PCBD2: variants seen among roughly 807,000 people sequenced by gnomAD.
PCBD2 encodes the protein pterin-4-alpha-carbinolamine dehydratase 2.
Under a neutral mutation model 16.4 loss-of-function variants are expected in PCBD2, and 12 were observed. That is an observed-to-expected ratio of 0.73 (90% CI 0.47 to 1.19). The LOEUF is 1.19. Among genes scored for constraint, PCBD2 ranks in the 50% most tolerant of loss-of-function variants. PCBD2 has a pLI of 0.00. For synonymous variants in PCBD2, 58 were observed against 61.8 expected, an observed-to-expected ratio of 0.94 and a Z score of 0.29; for missense variants, 138 against 156.8, an observed-to-expected ratio of 0.88 and a Z score of 0.64.
intron 2 of PCBD2, among the ~76,000 whole-genome samples, chr5:134,954,059 C>T (rs1042591952): frequency 7.9e-5 from 12 of 152,132 alleles, no homozygotes; most frequent in South Asian, 2.1e-4. Flanking sequence ...CTGGGCTCGA[C>T]GGATCCCCCA....
intron 1 of PCBD2, among the ~76,000 whole-genome samples, chr5:134,905,968 G>A (rs1242879866): frequency 6.6e-6 from 1 of 152,040 alleles, no homozygotes; most frequent in Admixed American, 6.6e-5. Context: ...CATCTCCTGG[G>A]TTCACGCTAT....
At chr5:134,905,337 C>T (rs551565484) in intron 1 of PCBD2, 114 bp downstream of exon 1, 4 of 968,926 alleles carry the variant, frequency 4.1e-6, no homozygotes, top group Admixed American at 8.9e-5. Context: ...TGGGCCGAGC[C>T]TTGGAGCTCG....
At chr5:134,939,954 G>A (rs1751206114) in intron 2 of PCBD2, among the ~76,000 whole-genome samples, 1 of 151,266 alleles carries the variant, frequency 6.6e-6, no homozygotes, top group Non-Finnish European at 1.5e-5. Flanking sequence ...TAAATCACCA[G>A]GAACATGGCA....
At chr5:134,914,727 A>G (rs571589944) in intron 2 of PCBD2, among the ~76,000 whole-genome samples, 1 of 151,806 alleles carries the variant, frequency 6.6e-6, no homozygotes, top group South Asian at 2.1e-4. Flanking sequence ...TCTGGAGTAC[A>G]ATGGTGCGAT....
chr5:134,907,893 A>G (rs2149529361), intron 1 of PCBD2, among the ~76,000 whole-genome samples: 1 of 147,848 alleles, frequency 6.8e-6, no homozygotes, highest in East Asian at 2.0e-4. Context: ...AAGTGCTGGG[A>G]TTACAGGTGT....
At chr5:134,907,174 GAC>G (rs1750702884) in intron 1 of PCBD2, among the ~76,000 whole-genome samples, 1 of 152,242 alleles carries the variant, frequency 6.6e-6, no homozygotes, top group Non-Finnish European at 1.5e-5. Flanking sequence ...ACTCAGTGTG[GAC>G]ACACATAATT....
intron 2 of PCBD2, among the ~76,000 whole-genome samples, chr5:134,918,377 T>C (rs1468522166): frequency 6.6e-6 from 1 of 152,070 alleles, no homozygotes; most frequent in East Asian, 1.9e-4. Context: ...TGGTAGAAGG[T>C]GCCTGTAATA....
chr5:134,914,652 G>T (rs1201033219), intron 2 of PCBD2, among the ~76,000 whole-genome samples: 2 of 151,962 alleles, frequency 1.3e-5, no homozygotes, highest in Non-Finnish European at 2.9e-5. Context: ...GTGATGAGCT[G>T]AGAGTGTCAT....
chr5:134,925,538 T>C, intron 2 of PCBD2: 1 of 398,404 alleles, frequency 2.5e-6, no homozygotes, highest in South Asian at 1.3e-4. Flanking sequence ...CCTAGTTGGC[T>C]TGAAGTGGAG....
At chr5:134,942,120 G>A (rs1271865007) in intron 2 of PCBD2, among the ~76,000 whole-genome samples, 1 of 132,110 alleles carries the variant, frequency 7.6e-6, no homozygotes, top group African/African-American at 3.0e-5. Flanking sequence ...AATAGAGCAA[G>A]GCTCTGTCTC....
In PCBD2 at chr5:134,949,910, G is replaced by A. The variant is rs115162543; in HGVS notation, c.217-9130G>A. On this transcript the variant is annotated intron_variant, in intron 2 of 3. Coordinates refer to ENST00000254908, the MANE Select transcript of PCBD2 (RefSeq NM_032151.5). ...ATTATTTTTAATTAAAGTTGAAGAA[G>A]TGCAGACTCTAGCTGAAATTAAGGT... Among the ~76,000 whole-genome samples, 1,114 of 152,314 alleles carry A rather than the reference G, an allele frequency of 7.3e-3. 10 individuals are homozygous for A. Among genetic ancestry groups the A allele is most frequent in the African/African-American group, 0.026 (1,070 of 41,560 alleles).
At chr5:134,930,269 C>T (rs771305188) in intron 2 of PCBD2, among the ~76,000 whole-genome samples, 3 of 151,970 alleles carry the variant, frequency 2.0e-5, no homozygotes, top group Non-Finnish European at 2.9e-5. Context: ...TAGTACCTAG[C>T]CCAGGGTTAC....
Position 134,959,064 on chromosome 5 carries a change from G to T in PCBD2, c.241G>T (p.Ala81Ser), listed in dbSNP as rs775362117. The T allele has an allele frequency of 6.2e-7, 1 of 1,613,760 alleles. No homozygotes were observed. The highest frequency in any genetic ancestry group is 1.3e-5 in the African/African-American group (1 of 74,902). The change falls in exon 3 of 4, where the codon GCC (alanine) becomes TCC (serine). Residue 81 changes from alanine to serine, a missense_variant. Physicochemically the swap from Ala to Ser is moderately conservative, Grantham distance 99 (BLOSUM62 1). Transcript: ENST00000254908. ...GGCATTTGGCTTTATGTCCCGAGTT[G>T]CCCTACAAGCAGAGAAGATGAATCA... ...NQAFGFMSRV[A>S]LQAEKMNHHP...
chr5:134,951,630 G>C (rs1202257715), intron 2 of PCBD2, among the ~76,000 whole-genome samples: 2 of 152,174 alleles, frequency 1.3e-5, no homozygotes, highest in Non-Finnish European at 2.9e-5. Context: ...CAGCATGTGA[G>C]AATACCTTTT....
intron 2 of PCBD2, chr5:134,927,670 C>T (rs980279745): frequency 2.3e-5 from 9 of 397,696 alleles, no homozygotes; most frequent in African/African-American, 1.0e-4. Flanking sequence ...AGTGTGGTTT[C>T]GAAGAAGATA....
chr5:134,921,268 A>G (rs950314009), intron 2 of PCBD2, among the ~76,000 whole-genome samples: 2 of 152,182 alleles, frequency 1.3e-5, no homozygotes, highest in East Asian at 1.9e-4. Context: ...TGAATTGTAC[A>G]AGGTGATTGA....
At chr5:134,925,979 G>A (rs1489352858) in intron 2 of PCBD2, 28 of 387,664 alleles carry the variant, frequency 7.2e-5, no homozygotes, top group South Asian at 1.3e-4. Flanking sequence ...GCATCTGCTC[G>A]GGCGTATCAT....
intron 2 of PCBD2, among the ~76,000 whole-genome samples, chr5:134,954,914 G>C (rs902611906): frequency 7.2e-5 from 11 of 151,806 alleles, no homozygotes; most frequent in African/African-American, 2.4e-4. Flanking sequence ...GCTAATTTTT[G>C]TATTTTTAGT....
At chr5:134,924,753 G>A in intron 2 of PCBD2, 1 of 395,042 alleles carries the variant, frequency 2.5e-6, no homozygotes. Context: ...CGGAGATTTG[G>A]TGTTGTGAGA....
Sources: allele counts gnomAD v4.1 joint callset (sites outside exome capture counted in the v4.1 genomes callset), GRCh38; gene constraint gnomAD v4.1.1; transcripts MANE v1.5; gene names NCBI Gene and HGNC (gene_info 2026-07-23, HGNC 2026-07-21).